Variants in NALF1 observed in about 807,000 individuals in gnomAD.
NALF1 encodes the protein NALCN channel auxiliary factor 1.
In NALF1, 3 loss-of-function variants were observed where a neutral mutation model predicts 48.4. The observed-to-expected ratio is 0.06, with a 90% CI of 0.03 to 0.16. The LOEUF is 0.16. NALF1 is among the 10% of genes least tolerant of loss of function. The probability of loss-of-function intolerance (pLI) is 1.00; values close to 1 mark genes in which losing one functional copy is unlikely to be tolerated. For missense variants in NALF1, 526 were observed against 571.5 expected (o/e 0.92, Z 0.81); for synonymous variants, 262 against 245.7 (o/e 1.07, Z -0.62).
At chr13:107,631,017 T>C (rs1285286152) in intron 1 of NALF1, among the ~76,000 whole-genome samples, 1 of 152,166 alleles carries the variant, frequency 6.6e-6, no homozygotes, top group Non-Finnish European at 1.5e-5. Context: ...TATTATTTTA[T>C]TTATTTAGAG....
intron 1 of NALF1, among the ~76,000 whole-genome samples, chr13:107,265,073 A>T (rs1881012594): frequency 6.6e-6 from 1 of 152,248 alleles, no homozygotes. Context: ...GCTAGATGTT[A>T]TCCACCTTTT....
chr13:107,496,406 G>A (rs1173271736), intron 1 of NALF1, among the ~76,000 whole-genome samples: 1 of 152,122 alleles, frequency 6.6e-6, no homozygotes, highest in Non-Finnish European at 1.5e-5. Context: ...GCTAGTAAAC[G>A]AAATCATCAG....
At chr13:107,820,536 A>G (rs1373411897) in intron 1 of NALF1, among the ~76,000 whole-genome samples, 1 of 152,122 alleles carries the variant, frequency 6.6e-6, no homozygotes. Flanking sequence ...ATGCAAACTT[A>G]TTTTTTCAAA....
intron 1 of NALF1, among the ~76,000 whole-genome samples, chr13:107,448,977 C>T (rs1191347353): frequency 5.9e-5 from 9 of 152,276 alleles, no homozygotes; most frequent in African/African-American, 1.7e-4. Context: ...GGTGCAGTGG[C>T]TCATGTCTGT....
intron 1 of NALF1, among the ~76,000 whole-genome samples, chr13:107,824,010 C>A (rs1182900518): frequency 7.7e-6 from 1 of 129,324 alleles, no homozygotes; most frequent in Admixed American, 7.9e-5. Context: ...TATTATTGGT[C>A]CCCATCATTC....
chr13:107,678,122 A>C (rs1307470667), intron 1 of NALF1, among the ~76,000 whole-genome samples: 1 of 152,222 alleles, frequency 6.6e-6, no homozygotes, highest in Non-Finnish European at 1.5e-5. Context: ...AAAAGGAAAA[A>C]TTATCCTGGC....
chr13:107,723,806 T>C (rs779293671), intron 1 of NALF1, among the ~76,000 whole-genome samples: 1 of 152,208 alleles, frequency 6.6e-6, no homozygotes, highest in Non-Finnish European at 1.5e-5. Flanking sequence ...GTTGTCTAGC[T>C]TACAACTTTT....
chr13:107,326,551 A>G (rs1882368557), intron 1 of NALF1, among the ~76,000 whole-genome samples: 1 of 152,158 alleles, frequency 6.6e-6, no homozygotes, highest in Non-Finnish European at 1.5e-5. Flanking sequence ...TGGTCTACAC[A>G]TAGCCAGTAG....
intron 1 of NALF1, among the ~76,000 whole-genome samples, chr13:107,740,982 G>A (rs560828969): frequency 6.6e-6 from 1 of 152,318 alleles, no homozygotes; most frequent in African/African-American, 2.4e-5. Context: ...TGATCATGAT[G>A]TTTATTCATT....
intron 1 of NALF1, among the ~76,000 whole-genome samples, chr13:107,652,885 A>G (rs145712844): frequency 4.8e-4 from 73 of 152,246 alleles, no homozygotes; most frequent in South Asian, 4.3e-3. Context: ...GGAAACATCA[A>G]TGATTAGAAG....
At chr13:107,265,480 C>T (rs1881020732) in intron 1 of NALF1, among the ~76,000 whole-genome samples, 2 of 152,086 alleles carry the variant, frequency 1.3e-5, no homozygotes, top group African/African-American at 2.4e-5. Context: ...AGTGCAGTGG[C>T]TCGATCTTGG....
At chr13:107,660,944 T>C (rs1327503927) in intron 1 of NALF1, among the ~76,000 whole-genome samples, 1 of 152,050 alleles carries the variant, frequency 6.6e-6, no homozygotes, top group Non-Finnish European at 1.5e-5. Flanking sequence ...TATCTAAAAA[T>C]TTGTCTAAAA....
intron 1 of NALF1, among the ~76,000 whole-genome samples, chr13:107,568,971 C>T (rs1390970479): frequency 6.6e-6 from 1 of 152,128 alleles, no homozygotes; most frequent in East Asian, 1.9e-4. Flanking sequence ...ATGGATTATG[C>T]TTGTGATGTC....
At chr13:107,408,464 T>C (rs1484155585) in intron 1 of NALF1, among the ~76,000 whole-genome samples, 1 of 152,094 alleles carries the variant, frequency 6.6e-6, no homozygotes, top group Non-Finnish European at 1.5e-5. Flanking sequence ...GGGTTATCCA[T>C]GTGTTTTGCC....
chr13:107,798,137 T>C (rs1878490116), intron 1 of NALF1, among the ~76,000 whole-genome samples: 1 of 152,200 alleles, frequency 6.6e-6, no homozygotes, highest in Non-Finnish European at 1.5e-5. Context: ...TCTGGTTTCA[T>C]TCTTTGGAAT....
At chr13:107,623,082 A>G (rs2138442282) in intron 1 of NALF1, among the ~76,000 whole-genome samples, 1 of 152,268 alleles carries the variant, frequency 6.6e-6, no homozygotes, top group African/African-American at 2.4e-5. Flanking sequence ...TCTCATCCAA[A>G]CTTTATTATA....
intron 1 of NALF1, among the ~76,000 whole-genome samples, chr13:107,578,262 T>C (rs932871895): frequency 7.2e-6 from 1 of 139,368 alleles, no homozygotes; most frequent in African/African-American, 2.8e-5. Flanking sequence ...TGGTTGTTTC[T>C]ACCCTAGCAC....
intron 1 of NALF1, among the ~76,000 whole-genome samples, chr13:107,639,011 A>G (rs957519250): frequency 2.0e-5 from 3 of 150,572 alleles, no homozygotes; most frequent in African/African-American, 7.5e-5. Flanking sequence ...GGAGCTCAAT[A>G]AAGAATTGCT....
intron 1 of NALF1, among the ~76,000 whole-genome samples, chr13:107,860,139 CA>C (rs1426703246): frequency 6.6e-6 from 1 of 151,988 alleles, no homozygotes; most frequent in Non-Finnish European, 1.5e-5. Context: ...CTTAAACAGT[CA>C]AAACTCTGGC....
Sources: gnomAD v4.1 joint callset for allele counts (sites outside exome capture counted in the v4.1 genomes callset) on GRCh38, gnomAD v4.1.1 for gene constraint, MANE v1.5 for transcripts, NCBI Gene and HGNC (gene_info 2026-07-23, HGNC 2026-07-21) for gene names.